SPAG16: variants seen among roughly 807,000 people sequenced by gnomAD.
SPAG16 encodes sperm-associated antigen 16 protein.
Under a neutral mutation model 80.4 loss-of-function variants are expected in SPAG16, and 86 were observed. The ratio of observed to expected loss-of-function variants is 1.07; its 90% confidence interval spans 0.90 to 1.28. The LOEUF is 1.28. Ranked by LOEUF, SPAG16 falls within the 50% of genes most tolerant of loss-of-function variation. The probability of loss-of-function intolerance (pLI) is 0.00; values close to 1 mark genes in which losing one functional copy is unlikely to be tolerated. For synonymous variants in SPAG16, 294 were observed against 265.9 expected, an observed-to-expected ratio of 1.11 and a Z score of -1.03; for missense variants, 870 against 765.3, an observed-to-expected ratio of 1.14 and a Z score of -1.61.
At chr2:214,282,461 G>C (rs1693024199) in intron 15 of SPAG16, among the ~76,000 whole-genome samples, 1 of 152,058 alleles carries the variant, frequency 6.6e-6, no homozygotes, top group South Asian at 2.1e-4. Flanking sequence ...TAAAACATTT[G>C]TGTTTAGTCA....
At chr2:213,380,887 G>C (rs922623173) in intron 9 of SPAG16, among the ~76,000 whole-genome samples, 1 of 152,138 alleles carries the variant, frequency 6.6e-6, no homozygotes, top group Non-Finnish European at 1.5e-5. Flanking sequence ...CAGCCCTTCG[G>C]GTCACTCGAT....
At chr2:214,286,457 AT>A (rs766748157) in intron 15 of SPAG16, among the ~76,000 whole-genome samples, 38 of 152,114 alleles carry the variant, frequency 2.5e-4, no homozygotes, top group Non-Finnish European at 5.1e-4. Context: ...GTATAAAAAA[AT>A]AACAGAGGCT....
At chr2:214,324,315 A>G (rs1357350263) in intron 15 of SPAG16, among the ~76,000 whole-genome samples, 1 of 152,144 alleles carries the variant, frequency 6.6e-6, no homozygotes, top group African/African-American at 2.4e-5. Flanking sequence ...TGTAGTTTTC[A>G]TTTTAAAGTT....
intron 13 of SPAG16, among the ~76,000 whole-genome samples, chr2:214,037,693 A>G (rs942936243): frequency 6.6e-6 from 1 of 152,066 alleles, no homozygotes; most frequent in Non-Finnish European, 1.5e-5. Flanking sequence ...AGTGTCTACT[A>G]TGTTATTTTG....
At chr2:214,324,320 A>C (rs1696322017) in intron 15 of SPAG16, among the ~76,000 whole-genome samples, 1 of 152,174 alleles carries the variant, frequency 6.6e-6, no homozygotes, top group Non-Finnish European at 1.5e-5. Flanking sequence ...TTTTCATTTT[A>C]AAGTTTTTAG....
chr2:213,465,985 G>C (rs1475006511), intron 9 of SPAG16, among the ~76,000 whole-genome samples: 1 of 152,170 alleles, frequency 6.6e-6, no homozygotes, highest in Non-Finnish European at 1.5e-5. Context: ...ATCTGGGTGG[G>C]CACAATCTAA....
intron 15 of SPAG16, chr2:214,250,097 G>C (rs1395826928): frequency 6.6e-6 from 1 of 152,086 alleles, no homozygotes; most frequent in Non-Finnish European, 1.5e-5. Context: ...AAGTGCCTCA[G>C]ACCAGCAATT....
intron 12 of SPAG16, among the ~76,000 whole-genome samples, chr2:213,940,942 A>C (rs2079173727): frequency 6.6e-6 from 1 of 152,174 alleles, no homozygotes; most frequent in African/African-American, 2.4e-5. Flanking sequence ...TCATTACCTG[A>C]GTTATAATGA....
intron 15 of SPAG16, among the ~76,000 whole-genome samples, chr2:214,231,567 T>C (rs1186615416): frequency 6.6e-6 from 1 of 152,004 alleles, no homozygotes; most frequent in African/African-American, 2.4e-5. Flanking sequence ...TATTTTCCTA[T>C]TAAAATAAAG....
At chr2:213,300,557 A>G (rs1035405552) in intron 3 of SPAG16, among the ~76,000 whole-genome samples, 2 of 152,176 alleles carry the variant, frequency 1.3e-5, no homozygotes, top group African/African-American at 4.8e-5. Context: ...AATGCAGAAA[A>G]AAATATGGGG....
At chr2:214,053,956 A>C (rs1207636713) in intron 13 of SPAG16, among the ~76,000 whole-genome samples, 1 of 152,212 alleles carries the variant, frequency 6.6e-6, no homozygotes, top group Non-Finnish European at 1.5e-5. Context: ...ATTCAAGGTT[A>C]ATAATAGGAC....
chr2:213,398,654 A>C lies in SPAG16; in HGVS notation c.942+23535A>C, dbSNP rs139963469. Among the ~76,000 whole-genome samples the C allele has an allele frequency of 9.6e-3, 1,468 of 152,260 alleles. 10 individuals carry two copies. Among genetic ancestry groups the C allele is most frequent in the Middle Eastern group, 0.024 (7 of 294 alleles). On this transcript the variant is annotated intron_variant, in intron 9 of 15. Transcript: ENST00000331683. ...TCAGAGAGACTTTTCATAGCCATCC[A>C]ATCTAAATTTTAATGCTGCCTCTAA...
intron 10 of SPAG16, among the ~76,000 whole-genome samples, chr2:213,615,570 GA>G (rs1233786713): frequency 6.6e-6 from 1 of 151,952 alleles, no homozygotes; most frequent in African/African-American, 2.4e-5. Flanking sequence ...CAGCATAGGC[GA>G]CAAAGCAAGA....
intron 12 of SPAG16, among the ~76,000 whole-genome samples, chr2:213,943,665 C>G (rs1242038242): frequency 6.6e-6 from 1 of 152,074 alleles, no homozygotes; most frequent in Non-Finnish European, 1.5e-5. Context: ...CTCCTGACTG[C>G]TTATAGTAAA....
chr2:213,741,101 A>G (rs1264053124), intron 10 of SPAG16, among the ~76,000 whole-genome samples: 1 of 152,212 alleles, frequency 6.6e-6, no homozygotes, highest in Non-Finnish European at 1.5e-5. Flanking sequence ...AGAAATTAAA[A>G]TATAATAAAT....
intron 10 of SPAG16, among the ~76,000 whole-genome samples, chr2:213,603,360 C>T (rs895270199): frequency 4.6e-5 from 7 of 152,184 alleles, no homozygotes; most frequent in Non-Finnish European, 8.8e-5. Context: ...GATGCTTATA[C>T]GCATTTTCCG....
intron 15 of SPAG16, among the ~76,000 whole-genome samples, chr2:214,224,983 G>T (rs1398498418): frequency 6.6e-6 from 1 of 152,076 alleles, no homozygotes; most frequent in Admixed American, 6.6e-5. Flanking sequence ...AGAAGAGATT[G>T]GATTGCTAAC....
intron 10 of SPAG16, among the ~76,000 whole-genome samples, chr2:213,712,484 C>A (rs939003389): frequency 1.3e-5 from 2 of 152,154 alleles, no homozygotes; most frequent in Admixed American, 1.3e-4. Context: ...GAGTGCCGCA[C>A]CATCTAAGCC....
intron 10 of SPAG16, among the ~76,000 whole-genome samples, chr2:213,809,160 C>T (rs1486528395): frequency 6.6e-6 from 1 of 152,144 alleles, no homozygotes; most frequent in Non-Finnish European, 1.5e-5. Context: ...GTGGCCTTGA[C>T]AGTAAGGGAA....
Sources: allele counts gnomAD v4.1 joint callset (sites outside exome capture counted in the v4.1 genomes callset), GRCh38; gene constraint gnomAD v4.1.1; transcripts MANE v1.5; gene names NCBI Gene and HGNC (gene_info 2026-07-23, HGNC 2026-07-21).